The following NECTIN2 variants were observed in gnomAD, a reference collection of about 807,000 sequenced individuals.
NECTIN2 encodes the protein nectin cell adhesion molecule 2, also known as nectin-2.
Under a neutral mutation model 56.9 loss-of-function variants are expected in NECTIN2, and 23 were observed. The ratio of observed to expected loss-of-function variants is 0.40; its 90% CI spans 0.29 to 0.57. NECTIN2 has a LOEUF of 0.57. NECTIN2 is among the 20% of genes least tolerant of loss of function. The pLI is 0.38. For synonymous variants in NECTIN2, 302 were observed against 313.8 expected (o/e 0.96, Z 0.40); for missense variants, 587 against 718.3 (o/e 0.82, Z 2.09).
Position 44,874,559 on chromosome 19 carries a change from T to C in NECTIN2, c.1042+81T>C. 1.3e-6 allele frequency: 2 copies of C among 1,554,040 alleles called. No homozygotes were observed. The highest frequency in any genetic ancestry group is 1.7e-6 in the Non-Finnish European group (2 of 1,142,870). ...TGCCCTTCAGGACTTGGGGCTGCAC[T>C]GGGGGAGGCTGCGCCGCCGACCTGG... On this transcript the variant is annotated intron_variant, in intron 5 of 8. Transcript: ENST00000252483. This position sits in a 1 kb window ranked among gnomAD's most constrained non-coding sequence, Gnocchi z 6.3.
At position 44,865,946 on chromosome 19, in the gene NECTIN2, G is replaced by A. The variant is rs112422902; in HGVS notation, c.478+286G>A. Among the ~76,000 whole-genome samples, 3,363 of 152,312 alleles carry A rather than the reference G, an allele frequency of 0.022. 64 individuals are homozygous for A. Among genetic ancestry groups the A allele is most frequent in the Middle Eastern group, 0.048 (14 of 294 alleles). On this transcript the variant is annotated intron_variant, in intron 2 of 8. Transcript: ENST00000252483. The surrounding 1 kb of genome is among the most constrained non-coding windows in gnomAD (Gnocchi z 5.2). ...CTAGCACTTTGGAAGGCCGAGATGG[G>A]CAGATCGCCTGAGGTCAGGAGTTCA...
chr19:44,882,568 C>G (rs1274627602), intron 6 of NECTIN2, among the ~76,000 whole-genome samples: 4 of 151,562 alleles, frequency 2.6e-5, no homozygotes, highest in Non-Finnish European at 5.9e-5. Context: ...TAGCTGGGGG[C>G]CAGGCACAGT....
At chr19:44,886,073 G>A in intron 7 of NECTIN2, 60 bp from the exon 8 acceptor site, 1 of 1,571,488 alleles carries the variant, frequency 6.4e-7, no homozygotes, top group Non-Finnish European at 8.8e-7. Flanking sequence ...GGCCTGGCAG[G>A]GAGAAGCTGG....
chr19:44,882,690 CAAA>C (rs35741405), intron 6 of NECTIN2, among the ~76,000 whole-genome samples: 3 of 38,316 alleles, frequency 7.8e-5, no homozygotes, highest in African/African-American at 2.0e-4. Flanking sequence ...CCCCCATCTA[CAAA>C]AAAAAAAAAA....
chr19:44,888,990 C>T lies in NECTIN2; in HGVS notation c.*611C>T, dbSNP rs1969391511. On this transcript the variant is annotated 3_prime_UTR_variant, in exon 9 of 9. Coordinates refer to ENST00000252483, the MANE Select transcript of NECTIN2 (RefSeq NM_001042724.2). ...CAATTCCTGCCTACCAAGCAAGCAG[C>T]CCCAGCCTAGGGTCAGACAGGGTGA... The T allele has an allele frequency of 6.6e-6, 1 of 152,462 alleles. No individual in the cohort carries two copies. Among genetic ancestry groups the T allele is most frequent in the Admixed American group, 6.5e-5 (1 of 15,338 alleles). The allele number at this position is 152,462 out of a possible 1,614,324, so 9.4% of individuals were successfully genotyped here. A position where few individuals can be genotyped will look rare whatever the true frequency, so the allele number is the denominator to read the frequency against.
At chr19:44,869,598 AAAAAAAAAAAAG>A (rs1414187383) in intron 2 of NECTIN2, among the ~76,000 whole-genome samples, 2 of 148,932 alleles carry the variant, frequency 1.3e-5, no homozygotes, top group Admixed American at 1.3e-4. Flanking sequence ...ATCTCAAAAA[AAAAAAAAAAAAG>A]AAAAGAAAAT....
rs774416148 is a variant in NECTIN2, at chr19:44,885,988, G to A, written c.1248G>A (p.Glu416=). 2 of 1,603,238 alleles carry A rather than the reference G, an allele frequency of 1.2e-6. No homozygotes were observed. The highest frequency in any genetic ancestry group is 3.3e-5 in the Admixed American group (2 of 60,012). ...YKPPTPKAKL[E]AQEMPSQLFT... Reference sequence around the variant, plus strand: ...CACCGACCCCAAAAGCGAAGCTGGAGGCACAGGAGATGGTGAGCACTTTCC... The same window carrying A: ...CACCGACCCCAAAAGCGAAGCTGGAAGCACAGGAGATGGTGAGCACTTTCC... Residue 416 remains glutamate, a synonymous_variant, in exon 7 of 9, where the codon GAG becomes GAA. Transcript: ENST00000252483.
At chr19:44,861,924 A>T (rs1969035819) in intron 1 of NECTIN2, among the ~76,000 whole-genome samples, 1 of 152,216 alleles carries the variant, frequency 6.6e-6, no homozygotes, top group African/African-American at 2.4e-5. Flanking sequence ...AACTATTATG[A>T]AGACAGTATG....
At chr19:44,877,777 G>A (rs1011876063) in intron 5 of NECTIN2, among the ~76,000 whole-genome samples, 14 of 152,320 alleles carry the variant, frequency 9.2e-5, no homozygotes, top group Middle Eastern at 6.8e-3. Context: ...GCCAGTGACC[G>A]GGCGGCCAGA....
At chr19:44,869,962 AAGAG>A (rs563477804) in intron 2 of NECTIN2, among the ~76,000 whole-genome samples, 3 of 151,954 alleles carry the variant, frequency 2.0e-5, no homozygotes, top group South Asian at 2.1e-4. Context: ...ATAAAAAAAA[AAGAG>A]AGAGAGAGAG....
Position 44,846,439 on chromosome 19 carries a change from A to G in NECTIN2, c.-87A>G. ...CCCGGAGCCGGAGCCGGAGCCCCAC[A>G]GGCACCTACTAAACCGCCCAGCCGA... is the stretch of plus-strand genomic sequence containing the variant. On this transcript the variant is annotated 5_prime_UTR_variant, in exon 1 of 9. Transcript: ENST00000252483. 2 of 1,374,154 alleles carry G rather than the reference A, an allele frequency of 1.5e-6. No individual in the cohort carries two copies. The highest frequency in any genetic ancestry group is 1.9e-6 in the Non-Finnish European group (2 of 1,070,450). 85.1% of individuals were successfully genotyped at this position (1,374,154 alleles called of 1,614,324 possible). A position where few individuals can be genotyped will look rare whatever the true frequency, so the allele number is the denominator to read the frequency against.
chr19:44,857,675 T>A (rs1339767902), intron 1 of NECTIN2, among the ~76,000 whole-genome samples: 4 of 151,820 alleles, frequency 2.6e-5, no homozygotes, highest in Non-Finnish European at 5.9e-5. Flanking sequence ...GTGCTGGGAT[T>A]ACAGGCGTGA....
At chr19:44,872,998 T>C (rs1324375830) in intron 3 of NECTIN2, among the ~76,000 whole-genome samples, 1 of 151,480 alleles carries the variant, frequency 6.6e-6, no homozygotes, top group Admixed American at 6.6e-5. Context: ...TTTTGCTAGC[T>C]CTTCCAGAAA....
chr19:44,861,610 G>A (rs1441573203), intron 1 of NECTIN2, among the ~76,000 whole-genome samples: 1 of 152,126 alleles, frequency 6.6e-6, no homozygotes, highest in Non-Finnish European at 1.5e-5. Context: ...CTATCCATCT[G>A]ACAAAGGTCT....
At chr19:44,879,476 CG>C (rs574384642) in intron 5 of NECTIN2, among the ~76,000 whole-genome samples, 2 of 151,884 alleles carry the variant, frequency 1.3e-5, no homozygotes, top group Non-Finnish European at 2.9e-5. Flanking sequence ...ATGGGGCAGG[CG>C]GGGGGTGCTG....
Position 44,875,995 on chromosome 19 carries a change from G to A in NECTIN2, c.1042+1517G>A, listed in dbSNP as rs1969232603. The stretch of plus-strand genomic sequence containing the variant: ...AAACTAATCCAGGACAGCAACGGCT[G>A]CACACGGAGGAATGTCATCCCTCAC... On this transcript the variant is annotated intron_variant, in intron 5 of 8. Coordinates refer to ENST00000252483, the MANE Select transcript of NECTIN2 (RefSeq NM_001042724.2). This position sits in a 1 kb window ranked among gnomAD's most constrained non-coding sequence, Gnocchi z 4.2. 2.0e-5 allele frequency among the ~76,000 whole-genome samples: 3 copies of A among 152,090 alleles called. No homozygotes were observed. The highest frequency in any genetic ancestry group is 2.0e-4 in the Admixed American group (3 of 15,272).
intron 6 of NECTIN2, among the ~76,000 whole-genome samples, chr19:44,883,335 C>T (rs1466837178): frequency 2.0e-5 from 3 of 151,526 alleles, no homozygotes; most frequent in Non-Finnish European, 4.4e-5. Context: ...AGTGCCAAGG[C>T]GCCATCTCGG....
rs112950685 is a variant in NECTIN2, at chr19:44,879,141, G to A, written c.1043-3070G>A. On this transcript the variant is annotated intron_variant, in intron 5 of 8. Coordinates refer to ENST00000252483, the MANE Select transcript of NECTIN2 (RefSeq NM_001042724.2). ...AAGACGCATTGGATGGCCGAGAACC[G>A]CAAGGCTCGTGCAACTAGGATTCAG... Among the ~76,000 whole-genome samples the A allele has an allele frequency of 6.7e-3, 1,013 of 152,134 alleles. 16 individuals carry two copies. Among genetic ancestry groups the A allele is most frequent in the African/African-American group, 0.021 (872 of 41,474 alleles).
intron 5 of NECTIN2, chr19:44,881,892 G>T: frequency 4.8e-6 from 1 of 208,136 alleles, no homozygotes. Flanking sequence ...GTATATTTTT[G>T]TATCCCCCGT....
Sources: allele counts gnomAD v4.1 joint callset (sites outside exome capture counted in the v4.1 genomes callset), GRCh38; gene constraint gnomAD v4.1.1; non-coding constraint Gnocchi (gnomAD v3.1); transcripts MANE v1.5; gene names NCBI Gene and HGNC (gene_info 2026-07-23, HGNC 2026-07-21).